GPR146: variants seen among roughly 807,000 people sequenced by gnomAD.
The protein encoded by GPR146 is G-protein coupled receptor 146.
For missense variants in GPR146, 381 were observed against 213.9 expected (o/e 1.78, Z -4.87); for synonymous variants, 203 against 104.3 (o/e 1.95, Z -5.77).
chr7:1,057,981 C>G lies in GPR146; in HGVS notation c.466C>G (p.Leu156Val), dbSNP rs767873500. Residue 156 changes from leucine to valine, a missense_variant, in exon 2 of 2, where the codon CTG becomes GTG. Leu to Val is a conservative substitution (Grantham distance 32). Transcript: ENST00000444847. ...HVCGFVWGGA[L>V]LTSFSSLLFY... is the part of the protein sequence containing the mutation. ...GTGCGGCTTCGTGTGGGGTGGCGCGCTGCTGACCAGCTTCTCCTCGCTGCT... is the reference window on the plus strand; with the variant it reads ...GTGCGGCTTCGTGTGGGGTGGCGCGGTGCTGACCAGCTTCTCCTCGCTGCT... 1.3e-6 allele frequency: 1 copy of G among 770,826 alleles called. No homozygotes were observed. Among genetic ancestry groups the G allele is most frequent in the Admixed American group, 1.7e-5 (1 of 59,032 alleles). 47.7% of individuals were successfully genotyped at this position (770,826 alleles called of 1,614,324 possible).
intron 1 of GPR146, chr7:1,055,362 A>G: frequency 2.1e-6 from 1 of 470,912 alleles, no homozygotes; most frequent in Non-Finnish European, 4.4e-6. Flanking sequence ...GCGGGTTTGC[A>G]GAGAAGCGCA....
Position 1,048,330 on chromosome 7 carries a change from G to C in GPR146, c.-25+3672G>C, listed in dbSNP as rs568264231. On this transcript the variant is annotated intron_variant, in intron 1 of 1. Coordinates refer to ENST00000444847, the MANE Select transcript of GPR146 (RefSeq NM_001303473.2). Reference sequence around the variant, plus strand: ...TAACAGGGACAGCAACATCAAAAGCGATGGCTTTTGTGAAACTAATTCAGC... The same window carrying C: ...TAACAGGGACAGCAACATCAAAAGCCATGGCTTTTGTGAAACTAATTCAGC... 4.6e-5 allele frequency among the ~76,000 whole-genome samples: 7 copies of C among 152,282 alleles called. No individual in the cohort carries two copies. In the South Asian group the frequency reaches 1.5e-3, roughly 32 times the overall value.
chr7:1,054,145 C>A (rs548218079), intron 1 of GPR146, among the ~76,000 whole-genome samples: 1 of 152,262 alleles, frequency 6.6e-6, no homozygotes, highest in Admixed American at 6.5e-5. Flanking sequence ...CCCGCCCCAG[C>A]TGCCTTCCCT....
chr7:1,049,797 G>A (rs1031008365), intron 1 of GPR146, among the ~76,000 whole-genome samples: 6 of 152,316 alleles, frequency 3.9e-5, no homozygotes, highest in African/African-American at 7.2e-5. Flanking sequence ...GACTGTTTTC[G>A]GTCAAATTTT....
At chr7:1,046,612 T>C (rs1361534959) in intron 1 of GPR146, among the ~76,000 whole-genome samples, 1 of 152,214 alleles carries the variant, frequency 6.6e-6, no homozygotes, top group African/African-American at 2.4e-5. Context: ...CAAAATGAGA[T>C]GCTGCCCGGG....
chr7:1,046,954 C>T (rs1226091738), intron 1 of GPR146, among the ~76,000 whole-genome samples: 1 of 152,234 alleles, frequency 6.6e-6, no homozygotes, highest in Middle Eastern at 3.2e-3. Flanking sequence ...CCTAGTAAAC[C>T]GGGGCTCGAC....
In GPR146 at chr7:1,053,350, A is replaced by AG. The variant is rs1243096764; in HGVS notation, c.-24-4140dup. 3.3e-5 allele frequency among the ~76,000 whole-genome samples: 5 copies of AG among 152,236 alleles called. 1 individual carries two copies. Among genetic ancestry groups the AG allele is most frequent in the African/African-American group, 1.2e-4 (5 of 41,462 alleles). On this transcript the variant is annotated intron_variant, in intron 1 of 1. Coordinates refer to ENST00000444847, the MANE Select transcript of GPR146 (RefSeq NM_001303473.2). The stretch of plus-strand genomic sequence containing the variant: ...CACAGTAGAGCCCAGAACCTTGCGC[A>AG]GGACAGGACCCCGGCTAATGTGCCC...
chr7:1,056,315 A>C (rs1471261031), intron 1 of GPR146: 4 of 152,986 alleles, frequency 2.6e-5, no homozygotes, highest in African/African-American at 7.2e-5. Flanking sequence ...CTGTGGCGGC[A>C]CTGTGGCTGG....
At chr7:1,057,427 C>T (rs1274671860) in intron 1 of GPR146, 65 bp from the exon 2 acceptor site, 7 of 639,202 alleles carry the variant, frequency 1.1e-5, no homozygotes, top group African/African-American at 5.3e-5. Context: ...CCTGTACCTG[C>T]AGCACTTCTG....
Position 1,057,541 on chromosome 7 carries a change from G to C in GPR146, c.26G>C (p.Gly9Ala). Reference protein sequence around the residue: MWSCSWFNGTGLVEELPAC... With the variant: MWSCSWFNATGLVEELPAC... The stretch of plus-strand genomic sequence containing the variant: ...ATGTGGAGCTGCAGCTGGTTCAACG[G>C]CACAGGGCTGGTGGAGGAGCTGCCT... The change falls in exon 2 of 2, where the codon GGC (glycine) becomes GCC (alanine). Residue 9 changes from glycine (G) to alanine (A), a missense_variant. By Grantham distance (60) the Gly-to-Ala change is moderately conservative. Coordinates refer to ENST00000444847, the MANE Select transcript of GPR146 (RefSeq NM_001303473.2). The C allele has an allele frequency of 2.6e-6, 2 of 773,214 alleles. No homozygotes were observed. The highest frequency in any genetic ancestry group is 4.8e-6 in the Non-Finnish European group (2 of 416,682). The allele number at this position is 773,214 out of a possible 1,614,324, so 47.9% of individuals were successfully genotyped here. A position where few individuals can be genotyped will look rare whatever the true frequency, so the allele number is the denominator to read the frequency against.
chr7:1,045,152 A>T (rs950410099), intron 1 of GPR146, among the ~76,000 whole-genome samples: 6 of 152,266 alleles, frequency 3.9e-5, no homozygotes, highest in African/African-American at 1.4e-4. Context: ...AGTGCTCTCC[A>T]GCCGCCAAAC....
At chr7:1,050,064 G>C (rs116365352) in intron 1 of GPR146, among the ~76,000 whole-genome samples, 115 of 152,294 alleles carry the variant, frequency 7.6e-4, no homozygotes, top group African/African-American at 2.5e-3. Context: ...CCCCCTCAGC[G>C]GGCCCCACTC....
intron 1 of GPR146, among the ~76,000 whole-genome samples, chr7:1,053,772 A>G (rs979669377): frequency 2.6e-5 from 4 of 152,328 alleles, no homozygotes; most frequent in African/African-American, 9.6e-5. Context: ...GGTTGCAGTG[A>G]GCTGAGATCG....
intron 1 of GPR146, among the ~76,000 whole-genome samples, chr7:1,046,084 A>AT (rs111907575): frequency 0.2 from 30,429 of 152,218 alleles, 3,151 homozygotes; most frequent in Admixed American, 0.24. Context: ...TATGTCTATC[A>AT]TACAATGAAT....
intron 1 of GPR146, among the ~76,000 whole-genome samples, chr7:1,046,381 A>C (rs1782582129): frequency 6.6e-6 from 1 of 152,162 alleles, no homozygotes; most frequent in East Asian, 1.9e-4. Context: ...GTTTTCTGTC[A>C]ACAGTGTTTC....
chr7:1,045,200 G>C (rs1782467942), intron 1 of GPR146: 1 of 152,256 alleles, frequency 6.6e-6, no homozygotes, highest in Non-Finnish European at 1.5e-5. Flanking sequence ...TATTAAGTTA[G>C]TATTACAAAC....
intron 1 of GPR146, among the ~76,000 whole-genome samples, chr7:1,047,902 G>A (rs963815037): frequency 1.3e-5 from 2 of 152,206 alleles, no homozygotes; most frequent in African/African-American, 2.4e-5. Flanking sequence ...AGCCTTTTAC[G>A]TCACTGAATA....
chr7:1,055,621 G>A (rs1255145654), intron 1 of GPR146: 1 of 348,624 alleles, frequency 2.9e-6, no homozygotes, highest in Non-Finnish European at 5.7e-6. Context: ...AGTGCCACCG[G>A]TGGACATCTC....
At chr7:1,048,898 G>A (rs1368529214) in intron 1 of GPR146, among the ~76,000 whole-genome samples, 2 of 152,220 alleles carry the variant, frequency 1.3e-5, no homozygotes, top group African/African-American at 4.8e-5. Context: ...TAGAGGCCAG[G>A]GAAGCAAGTG....
Sources: allele counts gnomAD v4.1 joint callset (sites outside exome capture counted in the v4.1 genomes callset), GRCh38; gene constraint gnomAD v4.1.1; transcripts MANE v1.5; gene names NCBI Gene and HGNC (gene_info 2026-07-23, HGNC 2026-07-21).